SOX5: variants seen among roughly 807,000 people sequenced by gnomAD.
The protein encoded by SOX5 is transcription factor SOX-5.
A neutral mutation model predicts 92.0 loss-of-function variants in SOX5; 9 were observed. The observed-to-expected ratio is 0.10, with a 90% CI of 0.06 to 0.17. SOX5 has a LOEUF of 0.17. SOX5 is among the 10% of genes least tolerant of loss of function. The probability of loss-of-function intolerance (pLI) is 1.00; values close to 1 mark genes in which losing one functional copy is unlikely to be tolerated. For synonymous variants in SOX5, 344 were observed against 336.3 expected, an observed-to-expected ratio of 1.02 and a Z score of -0.25; for missense variants, 642 against 944.5, an observed-to-expected ratio of 0.68 and a Z score of 4.20.
chr12:23,787,851 T>TA (rs1567758964), intron 3 of SOX5, among the ~76,000 whole-genome samples: 1 of 151,904 alleles, frequency 6.6e-6, no homozygotes, highest in Non-Finnish European at 1.5e-5. Context: ...TCAATGCTCA[T>TA]AACCATTACA....
intron 6 of SOX5, among the ~76,000 whole-genome samples, chr12:23,712,763 A>C (rs2092169231): frequency 6.6e-6 from 1 of 152,220 alleles, no homozygotes; most frequent in Non-Finnish European, 1.5e-5. Context: ...ATGTGACTAA[A>C]AGTTAAAATG....
chr12:23,819,771 T>C (rs1428025870), intron 3 of SOX5, among the ~76,000 whole-genome samples: 1 of 152,228 alleles, frequency 6.6e-6, no homozygotes. Flanking sequence ...TTTTCTTTTT[T>C]ACGGCTGCAT....
chr12:23,701,464 A>G (rs1195208280), intron 6 of SOX5, among the ~76,000 whole-genome samples: 1 of 152,064 alleles, frequency 6.6e-6, no homozygotes, highest in Non-Finnish European at 1.5e-5. Flanking sequence ...CACCATAAAC[A>G]TAATAATGGA....
At chr12:23,563,443 A>C (rs1355469985) in intron 10 of SOX5, 40 bp from the exon 11 acceptor site, 6 of 1,593,098 alleles carry the variant, frequency 3.8e-6, no homozygotes, top group Non-Finnish European at 5.2e-6. Flanking sequence ...TTTGTATAAA[A>C]GCATGTCTAG....
chr12:24,146,410 C>A (rs544867615), intron 4 of SOX5, among the ~76,000 whole-genome samples: 3 of 152,016 alleles, frequency 2.0e-5, no homozygotes, highest in African/African-American at 7.2e-5. Flanking sequence ...ACTCAAAAGG[C>A]AAATTAGAAA....
intron 4 of SOX5, among the ~76,000 whole-genome samples, chr12:24,120,058 C>T (rs991353481): frequency 6.6e-6 from 1 of 152,116 alleles, no homozygotes; most frequent in Non-Finnish European, 1.5e-5. Context: ...ACTATTTATG[C>T]ATTCTGTATT....
intron 3 of SOX5, among the ~76,000 whole-genome samples, chr12:24,275,671 T>C (rs1327057853): frequency 6.6e-6 from 1 of 152,176 alleles, no homozygotes; most frequent in African/African-American, 2.4e-5. Context: ...AATTTTATCT[T>C]GTTTAAACTG....
chr12:24,307,467 AAGGAAGGAAGGAAGG>A (rs1336462236), intron 2 of SOX5, among the ~76,000 whole-genome samples: 566 of 19,544 alleles, frequency 0.029, 11 homozygotes, highest in East Asian at 0.24. Context: ...GGAAGGAAGG[AAGGAAGGAAGGAAGG>A]AAGGAAGGAA....
chr12:23,692,187 C>T (rs2088940903), intron 6 of SOX5, among the ~76,000 whole-genome samples: 1 of 151,894 alleles, frequency 6.6e-6, no homozygotes, highest in African/African-American at 2.4e-5. Context: ...AATCTCAGCA[C>T]CTTGGGAGGC....
intron 8 of SOX5, among the ~76,000 whole-genome samples, chr12:23,605,428 A>C (rs1734339696): frequency 7.3e-6 from 1 of 136,600 alleles, no homozygotes; most frequent in African/African-American, 2.5e-5. Flanking sequence ...ATAATTATTA[A>C]ATAAATATAT....
At chr12:24,287,544 G>C (rs976395355) in intron 2 of SOX5, among the ~76,000 whole-genome samples, 4 of 148,854 alleles carry the variant, frequency 2.7e-5, no homozygotes, top group African/African-American at 9.9e-5. Flanking sequence ...ACAGAAGCGC[G>C]AGCTCAGCAG....
intron 4 of SOX5, among the ~76,000 whole-genome samples, chr12:23,997,092 A>C (rs1164632007): frequency 2.0e-5 from 3 of 152,210 alleles, no homozygotes; most frequent in African/African-American, 7.2e-5. Flanking sequence ...CAACCATTTC[A>C]GATCTGAAAA....
chr12:24,159,122 T>C (rs1421483356), intron 4 of SOX5, among the ~76,000 whole-genome samples: 1 of 151,910 alleles, frequency 6.6e-6, no homozygotes, highest in East Asian at 1.9e-4. Flanking sequence ...ATTATTTCCA[T>C]TCATTATATC....
intron 2 of SOX5, among the ~76,000 whole-genome samples, chr12:24,364,292 G>A (rs996061337): frequency 1.3e-5 from 2 of 151,862 alleles, no homozygotes; most frequent in African/African-American, 2.4e-5. Context: ...ATTCACATCT[G>A]TAAATGCATT....
chr12:24,241,575 G>A (rs2140067421), intron 3 of SOX5, among the ~76,000 whole-genome samples: 1 of 151,342 alleles, frequency 6.6e-6, no homozygotes, highest in Middle Eastern at 3.4e-3. Context: ...TACAAGGTAT[G>A]CTCTGCAAAT....
intron 1 of SOX5, among the ~76,000 whole-genome samples, chr12:24,383,850 G>T (rs1381478379): frequency 6.6e-6 from 1 of 152,064 alleles, no homozygotes; most frequent in Non-Finnish European, 1.5e-5. Context: ...GTTTGGCTGT[G>T]TCCCCACCCA....
chr12:24,406,537 G>A lies in SOX5; in HGVS notation c.-250-37898C>T, dbSNP rs80320886. ...CAGCAACTAGGAAGTGGGATAGGAGGTGACAGGTGAAGAGAGGAAAAAATG... is the reference window on the plus strand; with the variant it reads ...CAGCAACTAGGAAGTGGGATAGGAGATGACAGGTGAAGAGAGGAAAAAATG... On this transcript the variant is annotated intron_variant, in intron 1 of 4. Coordinates refer to the SOX5 transcript ENST00000446891. Among the ~76,000 whole-genome samples the A allele has an allele frequency of 7.1e-3, 1,075 of 152,288 alleles. 6 individuals carry two copies. Among genetic ancestry groups the A allele is most frequent in the Middle Eastern group, 0.017 (5 of 294 alleles).
chr12:23,719,960 A>G (rs2092724168), intron 6 of SOX5, among the ~76,000 whole-genome samples: 1 of 152,172 alleles, frequency 6.6e-6, no homozygotes, highest in Non-Finnish European at 1.5e-5. Flanking sequence ...AGAGGAACAA[A>G]AATGATATGA....
intron 4 of SOX5, among the ~76,000 whole-genome samples, chr12:24,191,948 G>T (rs1956569514): frequency 6.6e-6 from 1 of 152,276 alleles, no homozygotes; most frequent in South Asian, 2.1e-4. Context: ...TTCCAGGAAA[G>T]CTATGAAGGG....
Sources: allele counts gnomAD v4.1 joint callset (sites outside exome capture counted in the v4.1 genomes callset), GRCh38; gene constraint gnomAD v4.1.1; transcripts MANE v1.5; gene names NCBI Gene and HGNC (gene_info 2026-07-23, HGNC 2026-07-21).